The following NCOR2 variants were observed in gnomAD, a reference collection of about 807,000 sequenced individuals.
NCOR2 encodes the protein CTG repeat protein 26.
Under a neutral mutation model 262.9 loss-of-function variants are expected in NCOR2, and 81 were observed. The ratio of observed to expected loss-of-function variants is 0.31; its 90% confidence interval spans 0.26 to 0.37. NCOR2 has a LOEUF of 0.37. Ranked by LOEUF, NCOR2 falls within the 10% of genes least tolerant of loss-of-function variation. NCOR2 has a pLI of 1.00. For missense variants in NCOR2, 3,385 were observed against 3,621.4 expected (o/e 0.93, Z 1.68); for synonymous variants, 1,659 against 1,559.3 (o/e 1.06, Z -1.51).
At chr12:124,336,920 G>A (rs777158980) in exon 38 of NCOR2, 8 of 1,586,822 alleles carry the variant, frequency 5.0e-6, no homozygotes, top group South Asian at 1.1e-5. Flanking sequence ...AGAGACAGGA[G>A]GCACTAGGGG....
chr12:124,398,216 G>A (rs750720869), intron 15 of NCOR2, 35 bp from the exon 18 acceptor site: 38 of 1,610,402 alleles, frequency 2.4e-5, no homozygotes, highest in Admixed American at 1.5e-4. Flanking sequence ...GGCAGGAGCC[G>A]GGAGAGGAGG....
Position 124,362,277 on chromosome 12 carries a change from C to G in NCOR2, c.2949G>C (p.Glu983Asp), listed in dbSNP as rs752399829. The change falls in exon 22 of 47, where the codon GAG becomes GAC. Residue 983 changes from glutamate (E) to aspartate (D), a missense_variant. This residue lies in a region of NCOR2 where 1,615 missense variants were observed against 1,626.9 expected (regional missense o/e 0.99). Coordinates refer to ENST00000405201, the Ensembl canonical transcript of NCOR2. ...TGGGAGCTGCGTCCTCCCGGGGGGG[C>G]TCATGGACTTTGGTGACCTGCTGAG... 3.8e-6 allele frequency: 5 copies of G among 1,315,236 alleles called. 1 individual carries two copies. The Middle Eastern group carries it at 6.1e-4, about 161-fold the overall frequency. 81.5% of individuals were successfully genotyped at this position (1,315,236 alleles called of 1,614,324 possible).
chr12:124,447,875 T>C (rs573580022), intron 7 of NCOR2, among the ~76,000 whole-genome samples: 1 of 152,172 alleles, frequency 6.6e-6, no homozygotes, highest in East Asian at 1.9e-4. Flanking sequence ...TTCTTGTCAA[T>C]TTTTGCTATG....
intron 1 of NCOR2, among the ~76,000 whole-genome samples, chr12:124,521,768 T>C (rs1205661385): frequency 6.6e-6 from 1 of 152,152 alleles, no homozygotes; most frequent in Non-Finnish European, 1.5e-5. Context: ...TCACCTCAAC[T>C]GAAAATAAAT....
At chr12:124,380,777 C>T (rs965293328) in intron 17 of NCOR2, among the ~76,000 whole-genome samples, 1 of 151,982 alleles carries the variant, frequency 6.6e-6, no homozygotes, top group Non-Finnish European at 1.5e-5. Flanking sequence ...TGCAAGGTGT[C>T]TCTGCGGGGG....
At chr12:124,495,684 T>G (rs549856301), upstream of NCOR2, among the ~76,000 whole-genome samples, 467 of 152,170 alleles carry the variant, frequency 3.1e-3, 2 homozygotes, top group African/African-American at 0.011. This position sits in a 1 kb window ranked among gnomAD's most constrained non-coding sequence, Gnocchi z 4.4. Context: ...CCAGCCCCCC[T>G]AAGCCCATCC....
At chr12:124,327,816 CT>C (rs1464747957) in intron 44 of NCOR2, among the ~76,000 whole-genome samples, 183 bp from the exon 47 acceptor site, 3 of 151,882 alleles carry the variant, frequency 2.0e-5, no homozygotes. Context: ...CCTCCCCACC[CT>C]TTTTTTCCTG....
At position 124,375,035 on chromosome 12, in the gene NCOR2, T is replaced by C. The variant is rs570845007; in HGVS notation, c.2168-572A>G. On this transcript the variant is annotated intron_variant, in intron 18 of 46. Transcript: ENST00000405201. ...ACAGGCCAGGCTCCGTGCCGAGTTCTTCACACACGACTCCTTTAAGACCTC... is the reference window on the plus strand; with the variant it reads ...ACAGGCCAGGCTCCGTGCCGAGTTCCTCACACACGACTCCTTTAAGACCTC... 1.1e-3 allele frequency among the ~76,000 whole-genome samples: 175 copies of C among 152,348 alleles called. 1 individual carries two copies. The highest frequency in any genetic ancestry group is 1.8e-3 in the Non-Finnish European group (125 of 68,020).
intron 1 of NCOR2, among the ~76,000 whole-genome samples, chr12:124,528,918 G>C (rs773870102): frequency 6.6e-6 from 1 of 152,186 alleles, no homozygotes; most frequent in Non-Finnish European, 1.5e-5. Context: ...GGTGGCTCAC[G>C]CCTGTAATCC....
chr12:124,429,209 G>A (rs1166336132), intron 10 of NCOR2, among the ~76,000 whole-genome samples: 1 of 152,236 alleles, frequency 6.6e-6, no homozygotes, highest in Non-Finnish European at 1.5e-5. Flanking sequence ...CTGGGCCCTG[G>A]AAGGCTGACC....
chr12:124,517,694 G>A lies in NCOR2; in HGVS notation c.-118+17871C>T, dbSNP rs1007052684. 6.6e-6 allele frequency among the ~76,000 whole-genome samples: 1 copy of A among 152,216 alleles called. No homozygotes were observed. The highest frequency in any genetic ancestry group is 2.4e-5 in the African/African-American group (1 of 41,458). ...CCAAGGCTCGCCATGCTCCCCCCCA[G>A]GGACGCCGGATGTGCACCAAGGAGA... is the stretch of plus-strand genomic sequence containing the variant. On this transcript the variant is annotated intron_variant, in intron 1 of 46. Transcript: ENST00000404621. This position sits in a 1 kb window ranked among gnomAD's most constrained non-coding sequence, Gnocchi z 7.6.
At chr12:124,335,177 G>A in exon 40 of NCOR2, 2 of 1,611,788 alleles carry the variant, frequency 1.2e-6, no homozygotes, top group Non-Finnish European at 1.7e-6. Flanking sequence ...GGTGACCTTT[G>A]ACCCCTGGGG....
At position 124,343,183 on chromosome 12, in the gene NCOR2, C is replaced by T. The variant is rs61755987; in HGVS notation, c.4758G>A (p.Thr1586=). Residue 1586 remains threonine (T), a synonymous_variant, in exon 33 of 47, where the codon ACG becomes ACA. Coordinates refer to ENST00000405201, the Ensembl canonical transcript of NCOR2. The stretch of plus-strand genomic sequence containing the variant: ...ACTTGGCGATCTCACGAGGCGTCGA[C>T]GTCAGCTTTCGGTCCTGGGATGCCT... 4,552 of 1,609,076 alleles carry T rather than the reference C, an allele frequency of 2.8e-3. 4 individuals carry two copies. Among genetic ancestry groups the T allele is most frequent in the Non-Finnish European group, 3.6e-3 (4,281 of 1,176,414 alleles).
At chr12:124,341,829 G>T in exon 34 of NCOR2, 4 of 1,600,236 alleles carry the variant, frequency 2.5e-6, no homozygotes, top group Non-Finnish European at 1.7e-6. Flanking sequence ...TCACCTCGGG[G>T]ACCCGCAGCG....
At chr12:124,335,819 GGAGAGGTGGA>G (rs2035830049) in intron 38 of NCOR2, 187 bp from the exon 41 acceptor site, 2 of 614,972 alleles carry the variant, frequency 3.3e-6, no homozygotes, top group Non-Finnish European at 5.6e-6. Context: ...GGAGGCCAAG[GGAGAGGTGGA>G]GAGAGATGCA....
chr12:124,452,527 A>G (rs1221857380), intron 6 of NCOR2, among the ~76,000 whole-genome samples: 1 of 152,222 alleles, frequency 6.6e-6, no homozygotes, highest in Admixed American at 6.5e-5. Flanking sequence ...GAAATTTTGG[A>G]TAGCCCAGAA....
intron 1 of NCOR2, among the ~76,000 whole-genome samples, chr12:124,508,779 G>A (rs1052227929): frequency 1.3e-5 from 2 of 152,200 alleles, no homozygotes; most frequent in African/African-American, 4.8e-5. Flanking sequence ...AAATCAGTCT[G>A]ACAGCCAAAT....
At position 124,342,839 on chromosome 12, in the gene NCOR2, C is replaced by T. The variant is rs541620989; in HGVS notation, c.4936+166G>A. Among the ~76,000 whole-genome samples, 22 of 152,318 alleles carry T rather than the reference C, an allele frequency of 1.4e-4. No homozygotes were observed. In the East Asian group the frequency reaches 2.7e-3, roughly 19 times the overall value. The stretch of plus-strand genomic sequence containing the variant: ...ACTACTAAGAGAAATTCTGCTCCAA[C>T]CTAAGCTCATGATTACACTGTTGGG... On this transcript the variant is annotated intron_variant, in intron 33 of 46. Transcript: ENST00000405201.
exon 33 of NCOR2, chr12:124,343,057 G>A: frequency 6.2e-7 from 1 of 1,612,470 alleles, no homozygotes; most frequent in African/African-American, 1.3e-5. Context: ...AGGCCAGGGG[G>A]ATGTGGCTGC....
Sources: allele counts gnomAD v4.1 joint callset (sites outside exome capture counted in the v4.1 genomes callset), GRCh38; gene constraint gnomAD v4.1.1; regional missense constraint gnomAD v4.1.1; non-coding constraint Gnocchi (gnomAD v3.1); transcripts MANE v1.5; gene names NCBI Gene and HGNC (gene_info 2026-07-23, HGNC 2026-07-21).